The following BSPH1 variants were observed in gnomAD, a reference collection of about 807,000 sequenced individuals.
BSPH1 encodes the protein binder of sperm 1.
BSPH1 carries 21 observed loss-of-function variants against 22.5 expected under a neutral mutation model. That is an observed-to-expected ratio of 0.93 (90% confidence interval 0.66 to 1.35). The LOEUF (loss-of-function observed/expected upper bound fraction) is 1.35. Ranked by LOEUF, BSPH1 falls within the 40% of genes most tolerant of loss-of-function variation. BSPH1 has a pLI of 0.00. For missense variants in BSPH1, 141 were observed against 154.2 expected (o/e 0.91, Z 0.45); for synonymous variants, 42 against 53.6 (o/e 0.78, Z 0.95).
chr19:47,977,731 T>G, intron 3 of BSPH1: 2 of 973,652 alleles, frequency 2.1e-6, no homozygotes, highest in Non-Finnish European at 2.4e-6. Flanking sequence ...ATAAACAGTC[T>G]CAAAATTTTG....
At chr19:47,987,385 C>CTT (rs11289833) in intron 1 of BSPH1, among the ~76,000 whole-genome samples, 10 of 137,016 alleles carry the variant, frequency 7.3e-5, no homozygotes, top group South Asian at 2.3e-4. Flanking sequence ...TTAGTACTTA[C>CTT]TTTTTTTTTT....
intron 1 of BSPH1, among the ~76,000 whole-genome samples, chr19:47,989,576 T>A (rs60090506): frequency 0.17 from 26,363 of 152,034 alleles, 2,539 homozygotes; most frequent in Non-Finnish European, 0.21. Context: ...CCCACTTGAC[T>A]GCTCCTGGCA....
chr19:47,987,479 A>C (rs1449263837), intron 1 of BSPH1, among the ~76,000 whole-genome samples: 1 of 149,356 alleles, frequency 6.7e-6, no homozygotes, highest in African/African-American at 2.5e-5. Flanking sequence ...TTGACTTCCC[A>C]GGCTCAAGTG....
intron 1 of BSPH1, among the ~76,000 whole-genome samples, chr19:47,982,126 A>G (rs978486625): frequency 2.6e-5 from 4 of 152,244 alleles, no homozygotes; most frequent in African/African-American, 9.6e-5. Flanking sequence ...GATGTCAGAT[A>G]GAAAAGCACA....
Position 47,992,025 on chromosome 19 carries a change from G to A in BSPH1, c.57C>T (p.Ile19=), listed in dbSNP as rs1260967197. 3 of 1,549,036 alleles carry A rather than the reference G, an allele frequency of 1.9e-6. No homozygotes were observed. The highest frequency in any genetic ancestry group is 2.6e-6 in the Non-Finnish European group (3 of 1,144,648). ...AAGAAATACTTAAAATAACAGGGAA[G>A]ATGCAAGCTGAGGAATTTCGCGTCG... The part of the protein sequence containing the change: ...VETTRNSSAC[I]FPVILNELSS... Residue 19 remains isoleucine (I), a synonymous_variant, in exon 1 of 6, where the codon ATC becomes ATT. Coordinates refer to ENST00000344839, the MANE Select transcript of BSPH1 (RefSeq NM_001128326.2).
At chr19:47,973,446 C>T (rs1347569403) in intron 5 of BSPH1, among the ~76,000 whole-genome samples, 2 of 152,004 alleles carry the variant, frequency 1.3e-5, no homozygotes, top group African/African-American at 4.8e-5. Flanking sequence ...TGTGGTCCTT[C>T]CACCTCCATG....
intron 2 of BSPH1, chr19:47,980,477 CTT>C (rs11363158): frequency 0.019 from 3,891 of 203,566 alleles, 68 homozygotes; most frequent in Non-Finnish European, 0.028. Flanking sequence ...CTTCTTCTTT[CTT>C]TTTTTTTTTT....
intron 1 of BSPH1, among the ~76,000 whole-genome samples, chr19:47,990,596 TA>T (rs11415531): frequency 1.3e-5 from 2 of 150,940 alleles, no homozygotes; most frequent in Non-Finnish European, 1.5e-5. Flanking sequence ...TTCTGTTCTT[TA>T]AAAAAAAATA....
At chr19:47,983,841 A>ATTTT (rs57655745) in intron 1 of BSPH1, among the ~76,000 whole-genome samples, 1 of 148,008 alleles carries the variant, frequency 6.8e-6, no homozygotes, top group Non-Finnish European at 1.5e-5. Context: ...TTGAAGAGAA[A>ATTTT]TTTTTTTTTT....
Position 47,975,043 on chromosome 19 carries a change from A to G in BSPH1, c.*2+1667T>C, listed in dbSNP as rs372609985. Among the ~76,000 whole-genome samples the G allele has an allele frequency of 3.3e-5, 5 of 152,178 alleles. No individual in the cohort carries two copies. The East Asian group carries it at 5.8e-4, about 18-fold the overall frequency. ...AATCTACAAATCTGCTTATATCCAC[A>G]TGCACTTACATTTTCTTATACCTCG... On this transcript the variant is annotated intron_variant, in intron 5 of 5. Coordinates refer to ENST00000344839, the MANE Select transcript of BSPH1 (RefSeq NM_001128326.2).
chr19:47,984,385 C>T (rs1041267861), intron 1 of BSPH1, among the ~76,000 whole-genome samples: 12 of 151,680 alleles, frequency 7.9e-5, no homozygotes, highest in Non-Finnish European at 1.5e-4. Flanking sequence ...ACTGGAAAAT[C>T]GTAACAATTT....
At chr19:47,969,003 TAAAA>T (rs34349485) in intron 5 of BSPH1, among the ~76,000 whole-genome samples, 4 of 127,720 alleles carry the variant, frequency 3.1e-5, no homozygotes, top group Admixed American at 8.1e-5. Context: ...TATCTCAGAT[TAAAA>T]AAAAAAAAAA....
At chr19:47,987,756 C>T (rs867790485) in intron 1 of BSPH1, among the ~76,000 whole-genome samples, 45 of 152,056 alleles carry the variant, frequency 3.0e-4, no homozygotes, top group African/African-American at 9.4e-4. Context: ...CTTTGGAAGG[C>T]GGAGGTGGGC....
chr19:47,986,764 T>A, intron 1 of BSPH1, among the ~76,000 whole-genome samples: 1 of 151,216 alleles, frequency 6.6e-6, no homozygotes, highest in South Asian at 2.1e-4. Context: ...TAAAATAAAA[T>A]AAAAATAAAA....
chr19:47,976,595 A>C (rs1399152184), intron 5 of BSPH1, 115 bp downstream of exon 5: 40 of 448,646 alleles, frequency 8.9e-5, no homozygotes, highest in East Asian at 8.3e-4. Context: ...AAAAAAAAAA[A>C]ACAAAAAAAA....
rs1969398888 is a variant in BSPH1, at chr19:47,979,557, C to G, written c.124+13G>C. 7.9e-7 allele frequency: 1 copy of G among 1,269,914 alleles called. No individual in the cohort carries two copies. The highest frequency in any genetic ancestry group is 1.1e-6 in the Non-Finnish European group (1 of 928,852). 78.7% of individuals were successfully genotyped at this position (1,269,914 alleles called of 1,614,324 possible). A position where few individuals can be genotyped will look rare whatever the true frequency, so the allele number is the denominator to read the frequency against. ...AATATACATTAATAATCAAAGTTTTCTGATCGACTTACCTGTAACTTCTGG... is the reference window on the plus strand; with the variant it reads ...AATATACATTAATAATCAAAGTTTTGTGATCGACTTACCTGTAACTTCTGG... On this transcript the variant is annotated intron_variant, in intron 3 of 5. Transcript: ENST00000344839.
chr19:47,979,665 G>T, intron 2 of BSPH1, 66 bp from the exon 3 acceptor site: 2 of 654,138 alleles, frequency 3.1e-6, no homozygotes, highest in Non-Finnish European at 2.5e-6. Context: ...GGGCTCTTAC[G>T]TAAAATAAAA....
At chr19:47,970,093 CT>C (rs1202134885) in intron 5 of BSPH1, among the ~76,000 whole-genome samples, 4 of 152,122 alleles carry the variant, frequency 2.6e-5, no homozygotes, top group African/African-American at 9.7e-5. Flanking sequence ...GAGTCTCACT[CT>C]GTCACTCAGG....
chr19:47,969,531 C>T (rs865946836), intron 5 of BSPH1, among the ~76,000 whole-genome samples: 69 of 151,978 alleles, frequency 4.5e-4, no homozygotes, highest in African/African-American at 1.2e-3. Context: ...GAGACAGAAA[C>T]GACACCTGTA....
Sources: gnomAD v4.1 joint callset for allele counts (sites outside exome capture counted in the v4.1 genomes callset) on GRCh38, gnomAD v4.1.1 for gene constraint, MANE v1.5 for transcripts, NCBI Gene and HGNC (gene_info 2026-07-23, HGNC 2026-07-21) for gene names.